Variants in WWOX observed in about 807,000 individuals in gnomAD.
WWOX encodes WW domain-containing oxidoreductase.
WWOX carries 69 observed loss-of-function variants against 46.2 expected under a neutral mutation model. That is an observed-to-expected ratio of 1.49 (90% CI 1.23 to 1.82). The LOEUF (loss-of-function observed/expected upper bound fraction) is 1.82, where lower values mean the gene tolerates loss of function less well. Ranked by LOEUF, WWOX falls within the 40% of genes most tolerant of loss-of-function variation. The pLI, the probability that WWOX is intolerant of heterozygous loss-of-function variation, is 0.00. For missense variants in WWOX, 919 were observed against 542.6 expected (o/e 1.69, Z -6.89); for synonymous variants, 359 against 202.6 (o/e 1.77, Z -6.56).
chr16:78,907,694 A>G (rs958071146), intron 8 of WWOX, among the ~76,000 whole-genome samples: 37 of 152,230 alleles, frequency 2.4e-4, no homozygotes, highest in Admixed American at 6.5e-5. Context: ...GCTATTTAGC[A>G]AAGACAGTTG....
chr16:79,103,831 C>T (rs913033491), intron 8 of WWOX, among the ~76,000 whole-genome samples: 2 of 151,982 alleles, frequency 1.3e-5, no homozygotes, highest in South Asian at 2.1e-4. Flanking sequence ...GCATCTTATG[C>T]CATCATGCAC....
chr16:78,463,606 C>G (rs1192099925), intron 8 of WWOX, among the ~76,000 whole-genome samples: 1 of 152,198 alleles, frequency 6.6e-6, no homozygotes, highest in Non-Finnish European at 1.5e-5. Flanking sequence ...ATCACATACA[C>G]TGAAGCATCT....
At chr16:78,528,648 TA>T (rs1245798532) in intron 8 of WWOX, among the ~76,000 whole-genome samples, 3 of 152,200 alleles carry the variant, frequency 2.0e-5, no homozygotes, top group African/African-American at 7.2e-5. Flanking sequence ...TTGTTTCTTC[TA>T]AGCACTTCTT....
At chr16:78,290,885 T>G (rs1196806631) in intron 5 of WWOX, among the ~76,000 whole-genome samples, 3 of 152,238 alleles carry the variant, frequency 2.0e-5, no homozygotes, top group African/African-American at 7.2e-5. Flanking sequence ...AGGCTTATAT[T>G]ATTTCGTTGC....
intron 8 of WWOX, chr16:79,205,549 A>C (rs1236777445): frequency 6.6e-6 from 1 of 152,172 alleles, no homozygotes. Flanking sequence ...CACACTTCTA[A>C]AGCCTGAAAA....
intron 8 of WWOX, among the ~76,000 whole-genome samples, chr16:79,207,600 G>A (rs2051560133): frequency 6.6e-6 from 1 of 152,164 alleles, no homozygotes; most frequent in African/African-American, 2.4e-5. Flanking sequence ...GATATGCCAT[G>A]ATATTGTGTC....
chr16:78,245,829 G>A (rs146324457), intron 5 of WWOX, among the ~76,000 whole-genome samples: 3 of 152,138 alleles, frequency 2.0e-5, no homozygotes, highest in African/African-American at 4.8e-5. Flanking sequence ...GTGCCTGGGC[G>A]CTTCCAGGTC....
chr16:78,166,540 T>C (rs2034979811), intron 5 of WWOX, among the ~76,000 whole-genome samples: 1 of 151,512 alleles, frequency 6.6e-6, no homozygotes, highest in African/African-American at 2.4e-5. Context: ...GTCATTTTCT[T>C]TTTTCTTTTT....
chr16:78,649,543 C>T (rs1209190108), intron 8 of WWOX, among the ~76,000 whole-genome samples: 1 of 152,216 alleles, frequency 6.6e-6, no homozygotes, highest in African/African-American at 2.4e-5. Context: ...TCCCAAAGTG[C>T]TGGGATTACA....
chr16:78,505,963 A>G (rs1348481430), intron 8 of WWOX, among the ~76,000 whole-genome samples: 2 of 152,196 alleles, frequency 1.3e-5, no homozygotes, highest in African/African-American at 4.8e-5. Flanking sequence ...TCCTTGGCTG[A>G]ACGCCAGAGG....
chr16:79,116,785 T>G (rs2049524768), intron 8 of WWOX, among the ~76,000 whole-genome samples: 1 of 152,032 alleles, frequency 6.6e-6, no homozygotes, highest in African/African-American at 2.4e-5. Context: ...ATGTTCTTAA[T>G]GGCATCTAGA....
At chr16:79,006,672 A>G (rs1276612416) in intron 8 of WWOX, among the ~76,000 whole-genome samples, 1 of 152,166 alleles carries the variant, frequency 6.6e-6, no homozygotes, top group Non-Finnish European at 1.5e-5. Flanking sequence ...TCACTCGGCT[A>G]AGATCCAGGT....
intron 8 of WWOX, among the ~76,000 whole-genome samples, chr16:79,147,186 AC>A (rs2050197345): frequency 6.6e-6 from 1 of 152,186 alleles, no homozygotes; most frequent in East Asian, 1.9e-4. Flanking sequence ...CTACATCAAG[AC>A]AGTGAACAGT....
intron 8 of WWOX, among the ~76,000 whole-genome samples, chr16:78,875,202 G>A (rs1308156463): frequency 1.3e-5 from 2 of 152,114 alleles, no homozygotes; most frequent in Non-Finnish European, 2.9e-5. Flanking sequence ...ACCTTTCTGA[G>A]GAAGAGCCAG....
intron 8 of WWOX, among the ~76,000 whole-genome samples, chr16:78,666,208 G>A (rs1051922105): frequency 6.6e-6 from 1 of 152,110 alleles, no homozygotes; most frequent in African/African-American, 2.4e-5. Context: ...GATTGTTGGA[G>A]CCCGGGAGGT....
At chr16:78,965,714 T>C (rs1180671910) in intron 8 of WWOX, among the ~76,000 whole-genome samples, 1 of 152,344 alleles carries the variant, frequency 6.6e-6, no homozygotes, top group South Asian at 2.1e-4. Flanking sequence ...GGCTTTGCCC[T>C]TCCCGCATTG....
intron 8 of WWOX, among the ~76,000 whole-genome samples, chr16:79,003,204 T>G (rs986901887): frequency 3.9e-5 from 6 of 152,224 alleles, no homozygotes; most frequent in African/African-American, 1.4e-4. Context: ...TTAGTGAGAA[T>G]CAGACATGGA....
chr16:78,818,522 G>A (rs1305095480), intron 8 of WWOX, among the ~76,000 whole-genome samples: 1 of 152,218 alleles, frequency 6.6e-6, no homozygotes, highest in Non-Finnish European at 1.5e-5. Context: ...CTTGAAGCCA[G>A]GAGTTTGAGA....
chr16:78,850,818 A>G (rs187147039), intron 8 of WWOX, among the ~76,000 whole-genome samples: 4 of 152,318 alleles, frequency 2.6e-5, no homozygotes, highest in African/African-American at 9.6e-5. Flanking sequence ...GTCTTTTCAC[A>G]CTAATGAGTT....
Sources: allele counts gnomAD v4.1 joint callset (sites outside exome capture counted in the v4.1 genomes callset), GRCh38; gene constraint gnomAD v4.1.1; transcripts MANE v1.5; gene names NCBI Gene and HGNC (gene_info 2026-07-23, HGNC 2026-07-21).